The following PLXDC2 variants were observed in gnomAD, a reference collection of about 807,000 sequenced individuals.
The protein encoded by PLXDC2 is plexin domain-containing protein 2.
PLXDC2 carries 40 observed loss-of-function variants against 68.9 expected under a neutral mutation model. That is an observed-to-expected ratio of 0.58 (90% CI 0.45 to 0.76). The LOEUF (loss-of-function observed/expected upper bound fraction) is 0.76. Ranked by LOEUF, PLXDC2 falls within the 30% of genes least tolerant of loss-of-function variation. The pLI, the probability that PLXDC2 is intolerant of heterozygous loss-of-function variation, is 0.00. For synonymous variants in PLXDC2, 243 were observed against 234.2 expected (o/e 1.04, Z -0.34); for missense variants, 644 against 661.9 (o/e 0.97, Z 0.30).
chr10:19,935,856 G>A (rs1833714684), intron 1 of PLXDC2, among the ~76,000 whole-genome samples: 1 of 152,180 alleles, frequency 6.6e-6, no homozygotes, highest in Non-Finnish European at 1.5e-5. Flanking sequence ...GAACATTCTA[G>A]TACAACCATC....
At chr10:20,256,288 A>T (rs1017056849) in intron 13 of PLXDC2, among the ~76,000 whole-genome samples, 1 of 151,668 alleles carries the variant, frequency 6.6e-6, no homozygotes, top group Non-Finnish European at 1.5e-5. Context: ...GCCCACCATG[A>T]CACCTGGCTA....
chr10:19,984,257 T>C (rs143503601), intron 1 of PLXDC2, among the ~76,000 whole-genome samples: 1 of 152,202 alleles, frequency 6.6e-6, no homozygotes, highest in African/African-American at 2.4e-5. Context: ...AGGTGTGTCC[T>C]AGTGAAAGCA....
At chr10:20,124,172 C>T (rs1833738818) in intron 4 of PLXDC2, among the ~76,000 whole-genome samples, 1 of 152,082 alleles carries the variant, frequency 6.6e-6, no homozygotes, top group South Asian at 2.1e-4. Context: ...GAGAGGCATC[C>T]CTGCAATGAT....
At chr10:19,850,671 C>T (rs920476725) in intron 1 of PLXDC2, among the ~76,000 whole-genome samples, 10 of 152,052 alleles carry the variant, frequency 6.6e-5, no homozygotes, top group Non-Finnish European at 8.8e-5. Context: ...TCTTTATAAG[C>T]GCCACCAAAA....
At chr10:19,956,036 G>A (rs983555325) in intron 1 of PLXDC2, among the ~76,000 whole-genome samples, 1 of 151,952 alleles carries the variant, frequency 6.6e-6, no homozygotes, top group Non-Finnish European at 1.5e-5. Flanking sequence ...CCAAGACTGC[G>A]GCATTGCACT....
chr10:20,121,416 G>C (rs745455152), intron 4 of PLXDC2, among the ~76,000 whole-genome samples: 4 of 152,192 alleles, frequency 2.6e-5, no homozygotes, highest in Non-Finnish European at 4.4e-5. Context: ...GAGATTAATC[G>C]GACACAATCA....
At chr10:20,051,395 AATATATATATATATAT>A (rs57093355) in intron 3 of PLXDC2, among the ~76,000 whole-genome samples, 21,137 of 118,188 alleles carry the variant, frequency 0.18, 2,651 homozygotes, top group Non-Finnish European at 0.26. Context: ...ATAAAGGTTA[AATATATATATATATAT>A]ATATATATAT....
intron 1 of PLXDC2, among the ~76,000 whole-genome samples, chr10:19,824,841 G>A (rs1475824113): frequency 6.6e-6 from 1 of 152,152 alleles, no homozygotes; most frequent in Non-Finnish European, 1.5e-5. Context: ...TAATTAAAAA[G>A]GTGGTAAGCT....
Position 20,217,480 on chromosome 10 carries a change from A to T in PLXDC2, c.1177A>T (p.Thr393Ser), listed in dbSNP as rs778512307. The change falls in exon 11 of 14, where the codon ACC (threonine) becomes TCC (serine). Residue 393 changes from threonine (T) to serine (S), a missense_variant. Thr to Ser is a moderately conservative substitution (Grantham distance 58). Around this residue, in one of 3 missense-constraint regions of PLXDC2, gnomAD observed 330 missense variants for 327.9 expected, o/e 1.01. Coordinates refer to ENST00000377252, the MANE Select transcript of PLXDC2 (RefSeq NM_032812.9). Reference protein sequence around the residue: ...TEPVETSSRTTTTVGATTTQF... With the variant: ...TEPVETSSRTSTTVGATTTQF... ...ACCAGTGGAAACTTCTTCTCGAACCACCACAACCGTAGGAGCGACAACCAC... is the reference window on the plus strand; with the variant it reads ...ACCAGTGGAAACTTCTTCTCGAACCTCCACAACCGTAGGAGCGACAACCAC... 6.2e-7 allele frequency: 1 copy of T among 1,612,466 alleles called. No individual in the cohort carries two copies. Among genetic ancestry groups the T allele is most frequent in the African/African-American group, 1.3e-5 (1 of 74,752 alleles).
chr10:20,089,762 A>G (rs1833251697), intron 4 of PLXDC2, among the ~76,000 whole-genome samples: 1 of 152,194 alleles, frequency 6.6e-6, no homozygotes, highest in African/African-American at 2.4e-5. Flanking sequence ...CATTGACAAA[A>G]CTTTTACTAT....
chr10:20,147,568 G>A (rs565555698), intron 5 of PLXDC2, among the ~76,000 whole-genome samples: 6 of 151,984 alleles, frequency 3.9e-5, no homozygotes, highest in African/African-American at 9.6e-5. Context: ...CTTAGTATGA[G>A]GTTCTATTTT....
chr10:19,993,362 A>G (rs1834782798), intron 1 of PLXDC2, among the ~76,000 whole-genome samples: 2 of 152,182 alleles, frequency 1.3e-5, no homozygotes, highest in African/African-American at 4.8e-5. Flanking sequence ...ATTTAATAGT[A>G]AAATTATAAA....
intron 1 of PLXDC2, among the ~76,000 whole-genome samples, chr10:19,980,367 G>A (rs1033302841): frequency 1.3e-5 from 2 of 152,310 alleles, no homozygotes; most frequent in East Asian, 1.9e-4. Flanking sequence ...AGTTATGTTT[G>A]TGATGTCTTG....
chr10:20,220,159 A>G (rs1306443456), intron 12 of PLXDC2, among the ~76,000 whole-genome samples: 1 of 152,092 alleles, frequency 6.6e-6, no homozygotes, highest in East Asian at 1.9e-4. Flanking sequence ...TTTCTTATTC[A>G]TCATTGTATT....
chr10:20,152,896 A>G (rs188436807), intron 6 of PLXDC2, among the ~76,000 whole-genome samples: 108 of 152,244 alleles, frequency 7.1e-4, no homozygotes, highest in African/African-American at 2.4e-3. Flanking sequence ...TTCTTCCTAC[A>G]AGACAGTTTA....
At chr10:20,174,803 G>T (rs1834504237) in intron 7 of PLXDC2, among the ~76,000 whole-genome samples, 2 of 151,926 alleles carry the variant, frequency 1.3e-5, no homozygotes, top group East Asian at 1.9e-4. Context: ...TAAAAAAAAA[G>T]ATATGAGTAG....
intron 13 of PLXDC2, among the ~76,000 whole-genome samples, chr10:20,261,903 T>C (rs117610369): frequency 0.036 from 5,454 of 152,016 alleles, 134 homozygotes; most frequent in Middle Eastern, 0.054. Context: ...CTACAGACAA[T>C]GAAATTTTAT....
In PLXDC2 at chr10:20,125,620, G is replaced by C. The variant is rs369087140; in HGVS notation, c.542-17675G>C. On this transcript the variant is annotated intron_variant, in intron 4 of 13. Transcript: ENST00000377252. Reference sequence around the variant, plus strand: ...ACTGCAAAGATCAAGAGCAAAGAGAGGAATCAATGCAGCTATAGAGAGAGC... The same window carrying C: ...ACTGCAAAGATCAAGAGCAAAGAGACGAATCAATGCAGCTATAGAGAGAGC... 1.1e-4 allele frequency among the ~76,000 whole-genome samples: 16 copies of C among 152,244 alleles called. No individual in the cohort carries two copies. In the East Asian group the frequency reaches 2.9e-3, roughly 28 times the overall value.
intron 1 of PLXDC2, among the ~76,000 whole-genome samples, chr10:19,929,529 C>T (rs1486846262): frequency 6.6e-6 from 1 of 152,158 alleles, no homozygotes; most frequent in Non-Finnish European, 1.5e-5. Context: ...AACAGTAAAT[C>T]TTTTAAAAAT....
Sources: gnomAD v4.1 joint callset for allele counts (sites outside exome capture counted in the v4.1 genomes callset) on GRCh38, gnomAD v4.1.1 for gene constraint, gnomAD v4.1.1 regional missense constraint, MANE v1.5 for transcripts, NCBI Gene and HGNC (gene_info 2026-07-23, HGNC 2026-07-21) for gene names.